ATF3: variants seen among roughly 807,000 people sequenced by gnomAD.
ATF3 encodes activating transcription factor 3, also known as cyclic AMP-dependent transcription factor ATF-3.
ATF3 carries 10 observed loss-of-function variants against 18.4 expected under a neutral mutation model. The observed-to-expected ratio is 0.54, with a 90% CI of 0.34 to 0.92. ATF3 has a LOEUF of 0.92. Ranked by LOEUF, ATF3 falls within the 40% of genes least tolerant of loss-of-function variation. The pLI is 0.02. For synonymous variants in ATF3, 78 were observed against 87.9 expected (o/e 0.89, Z 0.63); for missense variants, 183 against 222.3 (o/e 0.82, Z 1.12).
chr1:212,594,630 C>T (rs1467012265), intron 1 of ATF3, among the ~76,000 whole-genome samples: 5 of 152,166 alleles, frequency 3.3e-5, no homozygotes, highest in African/African-American at 1.2e-4. Flanking sequence ...GGCAGGGGTA[C>T]AAGAGAGCCT....
At chr1:212,568,008 T>G (rs1262206663) in intron 1 of ATF3, among the ~76,000 whole-genome samples, 1 of 152,206 alleles carries the variant, frequency 6.6e-6, no homozygotes, top group Non-Finnish European at 1.5e-5. Context: ...AGCCTTGAAC[T>G]TTTGTAGGGT....
At position 212,618,497 on chromosome 1, in the gene ATF3, T is replaced by C. The variant is rs1282482076; in HGVS notation, c.348+263T>C. On this transcript the variant is annotated intron_variant, in intron 3 of 3. Transcript: ENST00000341491. This position sits in a 1 kb window ranked among gnomAD's most constrained non-coding sequence, Gnocchi z 4.4. ...CCAGCAGCCTCGGCCGGTTCATACATGTCCATCAGCTTCCAGGCTGCAGGA... is the reference window on the plus strand; with the variant it reads ...CCAGCAGCCTCGGCCGGTTCATACACGTCCATCAGCTTCCAGGCTGCAGGA... The C allele has an allele frequency of 1.0e-5, 5 of 499,810 alleles. No homozygotes were observed. Among genetic ancestry groups the C allele is most frequent in the Non-Finnish European group, 1.5e-5 (4 of 275,170 alleles). 31.0% of individuals were successfully genotyped at this position (499,810 alleles called of 1,614,324 possible).
At chr1:212,606,871 G>C (rs1654639862), upstream of ATF3, among the ~76,000 whole-genome samples, 2 of 152,238 alleles carry the variant, frequency 1.3e-5, no homozygotes. Context: ...ACTCCAGCGG[G>C]AGGGCGGGTT....
At chr1:212,591,238 G>T (rs967859959) in intron 1 of ATF3, among the ~76,000 whole-genome samples, 1 of 152,140 alleles carries the variant, frequency 6.6e-6, no homozygotes, top group Non-Finnish European at 1.5e-5. Flanking sequence ...CTCCTGCACC[G>T]CAGTCTCCCC....
chr1:212,618,050 G>A lies in ATF3; in HGVS notation c.241-77G>A. On this transcript the variant is annotated intron_variant, in intron 2 of 3. Transcript: ENST00000341491. This position sits in a 1 kb window ranked among gnomAD's most constrained non-coding sequence, Gnocchi z 4.4. ...TTGCCCTTGTCTGCCAGCTTTTGCT[G>A]GCAGTAAAAGGCAGTGTATTTGAGG... 4 of 1,455,274 alleles carry A rather than the reference G, an allele frequency of 2.7e-6. No homozygotes were observed. The East Asian group carries it at 9.2e-5, about 34-fold the overall frequency. 90.1% of individuals were successfully genotyped at this position (1,455,274 alleles called of 1,614,324 possible). A position where few individuals can be genotyped will look rare whatever the true frequency, so the allele number is the denominator to read the frequency against.
chr1:212,594,499 G>A (rs1434111485), intron 1 of ATF3, among the ~76,000 whole-genome samples: 1 of 152,170 alleles, frequency 6.6e-6, no homozygotes, highest in Non-Finnish European at 1.5e-5. Context: ...TCCTACTGGT[G>A]TCAGATTTAA....
chr1:212,576,721 CTTTTT>C (rs57512671), intron 1 of ATF3, among the ~76,000 whole-genome samples: 5 of 57,306 alleles, frequency 8.7e-5, no homozygotes, highest in Non-Finnish European at 8.8e-5. Flanking sequence ...CTTTTCTTTT[CTTTTT>C]TTTTTTTTTT....
intron 1 of ATF3, among the ~76,000 whole-genome samples, chr1:212,569,602 T>G (rs1240931718): frequency 6.6e-6 from 1 of 151,720 alleles, no homozygotes; most frequent in African/African-American, 2.4e-5. Context: ...AATTTTTTTT[T>G]GGCTTTTTTT....
At chr1:212,590,594 T>C (rs17019397) in intron 1 of ATF3, among the ~76,000 whole-genome samples, 5,155 of 152,238 alleles carry the variant, frequency 0.034, 324 homozygotes, top group African/African-American at 0.12. Context: ...ATTTCTTTTA[T>C]CTCGTGCATA....
At position 212,615,272 on chromosome 1, in the gene ATF3, T is replaced by TCACAGGTGTTCATTCTTTCGG. The variant is rs1558240623; in HGVS notation, c.240+18_240+19insGTTCATTCTTTCGGCACAGGT. ...ATCACAAAAGCCGAGGTGGGTTCTA[T>TCACAGGTGTTCATTCTTTCGG]CACAGGTATTCATTCTTTCGGCACA... On this transcript the variant is annotated intron_variant, in intron 2 of 3. Coordinates refer to ENST00000341491, the MANE Select transcript of ATF3 (RefSeq NM_001674.4). 1 of 1,612,846 alleles carries TCACAGGTGTTCATTCTTTCGG rather than the reference T, an allele frequency of 6.2e-7. No individual in the cohort carries two copies. Among genetic ancestry groups the TCACAGGTGTTCATTCTTTCGG allele is most frequent in the African/African-American group, 1.3e-5 (1 of 74,774 alleles).
intron 1 of ATF3, among the ~76,000 whole-genome samples, chr1:212,610,410 G>A (rs949822682): frequency 2.6e-5 from 4 of 152,188 alleles, no homozygotes; most frequent in Non-Finnish European, 4.4e-5. Flanking sequence ...TGTCCCCATT[G>A]TTTTGCAGTT....
chr1:212,616,589 C>T (rs754681211), intron 2 of ATF3, among the ~76,000 whole-genome samples: 6 of 152,156 alleles, frequency 3.9e-5, no homozygotes, highest in South Asian at 2.1e-4. Flanking sequence ...TGAGCCACCA[C>T]GCCCAGCCTT....
intron 1 of ATF3, among the ~76,000 whole-genome samples, chr1:212,599,672 T>A (rs1169313849): frequency 6.6e-6 from 1 of 152,162 alleles, no homozygotes; most frequent in Non-Finnish European, 1.5e-5. Context: ...TGTCCCGAAA[T>A]GCCCTTATTA....
At chr1:212,617,129 G>A (rs1490331197) in intron 2 of ATF3, among the ~76,000 whole-genome samples, 10 of 152,166 alleles carry the variant, frequency 6.6e-5, no homozygotes, top group Admixed American at 6.5e-4. Context: ...TTGGAGCGTG[G>A]TGGTCCCTGT....
chr1:212,617,828 T>C (rs1442885452), intron 2 of ATF3, among the ~76,000 whole-genome samples: 1 of 152,216 alleles, frequency 6.6e-6, no homozygotes, highest in African/African-American at 2.4e-5. Context: ...AATTTGCATA[T>C]TATCCTCATC....
At chr1:212,576,754 G>A (rs1173743172) in intron 1 of ATF3, among the ~76,000 whole-genome samples, 2 of 100,874 alleles carry the variant, frequency 2.0e-5, no homozygotes, top group African/African-American at 3.8e-5. Flanking sequence ...TTGAGGCAGA[G>A]TCTCGCTCTG....
At position 212,586,282 on chromosome 1, in the gene ATF3, C is replaced by T. The variant is rs74636287; in HGVS notation, c.-5+20799C>T. Among the ~76,000 whole-genome samples, 1,270 of 152,286 alleles carry T rather than the reference C, an allele frequency of 8.3e-3. 16 individuals carry two copies. The highest frequency in any genetic ancestry group is 0.029 in the African/African-American group (1,199 of 41,544). On this transcript the variant is annotated intron_variant, in intron 1 of 3. Transcript: ENST00000366981. ...AGAGCTTGACTGGGGAAGGAGGACA[C>T]ACACAGGCAGCTCCCCTATGTCTCC... is the stretch of plus-strand genomic sequence containing the variant.
At chr1:212,602,399 A>G (rs559600956) in intron 1 of ATF3, among the ~76,000 whole-genome samples, 2 of 152,288 alleles carry the variant, frequency 1.3e-5, no homozygotes, top group South Asian at 4.1e-4. Flanking sequence ...ATGAGAATTT[A>G]TGATTCTGAC....
intron 1 of ATF3, among the ~76,000 whole-genome samples, chr1:212,567,024 ATT>A (rs1232426503): frequency 6.6e-6 from 1 of 152,138 alleles, no homozygotes; most frequent in Non-Finnish European, 1.5e-5. Context: ...AGGGGTAGCG[ATT>A]TTACTTAACT....
Sources: allele counts gnomAD v4.1 joint callset (sites outside exome capture counted in the v4.1 genomes callset), GRCh38; gene constraint gnomAD v4.1.1; non-coding constraint Gnocchi (gnomAD v3.1); transcripts MANE v1.5; gene names NCBI Gene and HGNC (gene_info 2026-07-23, HGNC 2026-07-21).